The following ALKBH5 variants were observed in gnomAD, a reference collection of about 807,000 sequenced individuals.
The protein encoded by ALKBH5 is RNA demethylase ALKBH5.
A neutral mutation model predicts 32.1 loss-of-function variants in ALKBH5; 2 were observed. The ratio of observed to expected loss-of-function variants is 0.06; its 90% CI spans 0.03 to 0.20. ALKBH5 has a LOEUF of 0.20. ALKBH5 is among the 10% of genes least tolerant of loss of function. ALKBH5 has a pLI of 1.00. For missense variants in ALKBH5, 352 were observed against 559.5 expected (o/e 0.63, Z 3.74); for synonymous variants, 300 against 231.7 (o/e 1.29, Z -2.68).
rs140823983 is a variant in ALKBH5 at position 18,184,978 on chromosome 17, C to T, written c.735C>T (p.Ser245=). 11 of 1,612,736 alleles carry T rather than the reference C, an allele frequency of 6.8e-6. No individual in the cohort carries two copies. Among genetic ancestry groups the T allele is most frequent in the South Asian group, 5.5e-5 (5 of 91,086 alleles). ...KPIRVSEPVL[S]LPVRRGSVTV... is the part of the protein sequence containing the mutation. Reference sequence around the variant, plus strand: ...TTCGGGTGTCGGAACCAGTGCTTTCCCTGCCGGTGCGCAGGGGAAGCGTGA... The same window carrying T: ...TTCGGGTGTCGGAACCAGTGCTTTCTCTGCCGGTGCGCAGGGGAAGCGTGA... Residue 245 remains serine (S), a synonymous_variant, in exon 1 of 4, where the codon TCC becomes TCT. Coordinates refer to ENST00000399138, the MANE Select transcript of ALKBH5 (RefSeq NM_017758.4).
chr17:18,183,922 C>T lies in ALKBH5; in HGVS notation c.-322C>T, dbSNP rs932307750. 5 of 545,218 alleles carry T rather than the reference C, an allele frequency of 9.2e-6. No individual in the cohort carries two copies. The highest frequency in any genetic ancestry group is 4.7e-5 in the Admixed American group (2 of 42,734). 33.8% of individuals were successfully genotyped at this position (545,218 alleles called of 1,614,324 possible). On this transcript the variant is annotated 5_prime_UTR_variant, in exon 1 of 4. Coordinates refer to ENST00000399138, the MANE Select transcript of ALKBH5 (RefSeq NM_017758.4). ...TAAAGTGCGGGCCGGGCCGGGCGTC[C>T]GAGGGTCTGGTCGGGAGTCGGGCCG...
chr17:18,189,425 C>T (rs1165999402), intron 1 of ALKBH5, among the ~76,000 whole-genome samples: 1 of 152,136 alleles, frequency 6.6e-6, no homozygotes, highest in Non-Finnish European at 1.5e-5. Context: ...GCTGGCTGGC[C>T]AGTTGGTGGA....
chr17:18,193,333 G>A (rs966643403), intron 1 of ALKBH5, among the ~76,000 whole-genome samples: 6 of 151,988 alleles, frequency 3.9e-5, no homozygotes, highest in African/African-American at 1.4e-4. Flanking sequence ...GGATCACGAG[G>A]TCAGGAGTTC....
chr17:18,184,780 C>T lies in ALKBH5; in HGVS notation c.537C>T (p.His179=), dbSNP rs11078411. ...HQLVIQKLVE[H]RVIPEGFVNS... is the part of the protein sequence containing the mutation. ...TGGTGATCCAAAAGCTGGTGGAGCA[C>T]CGCGTCATCCCCGAGGGCTTCGTCA... The change falls in exon 1 of 4, where the codon CAC becomes CAT. Residue 179 remains histidine (H), a synonymous_variant. Coordinates refer to ENST00000399138, the MANE Select transcript of ALKBH5 (RefSeq NM_017758.4). 307,462 of 1,613,788 alleles carry T rather than the reference C, an allele frequency of 0.19. 31,265 individuals carry two copies. The highest frequency in any genetic ancestry group is 0.33 in the Middle Eastern group (2,006 of 6,062).
intron 1 of ALKBH5, among the ~76,000 whole-genome samples, chr17:18,192,737 A>C (rs2047183905): frequency 6.6e-6 from 1 of 152,130 alleles, no homozygotes; most frequent in African/African-American, 2.4e-5. Context: ...GCTCAAAGTC[A>C]GTGGGTTCTT....
At position 18,184,199 on chromosome 17, in the gene ALKBH5, TGCCCCGCCC is replaced by T. The variant is rs1275471723; in HGVS notation, c.-38_-30del. 15 of 1,448,266 alleles carry T rather than the reference TGCCCCGCCC, an allele frequency of 1.0e-5. No individual in the cohort carries two copies. Among genetic ancestry groups the T allele is most frequent in the Non-Finnish European group, 1.3e-5 (14 of 1,102,836 alleles). 89.7% of individuals were successfully genotyped at this position (1,448,266 alleles called of 1,614,324 possible). A position where few individuals can be genotyped will look rare whatever the true frequency, so the allele number is the denominator to read the frequency against. On this transcript the variant is annotated 5_prime_UTR_variant, in exon 1 of 4. Transcript: ENST00000399138. ...GCGTCCCCTTAGAGCCATGCCCGGC[TGCCCCGCCC>T]GCCCCGGAGGACCCTAGAGCAGCGT...
In ALKBH5 at chr17:18,184,584, C is replaced by G; in HGVS notation, c.341C>G (p.Ala114Gly). The G allele has an allele frequency of 6.2e-7, 1 of 1,613,366 alleles. No homozygotes were observed. The highest frequency in any genetic ancestry group is 2.2e-5 in the East Asian group (1 of 44,880). The change falls in exon 1 of 4, where the codon GCT (alanine) becomes GGT (glycine). Residue 114 changes from alanine (A) to glycine (G), a missense_variant. Coordinates refer to ENST00000399138, the MANE Select transcript of ALKBH5 (RefSeq NM_017758.4). Reference protein sequence around the residue: ...EARIDEVVSRAEKGLYNEHTV... With the variant: ...EARIDEVVSRGEKGLYNEHTV... Reference sequence around the variant, plus strand: ...CGCATTGACGAGGTGGTGTCCCGCGCTGAGAAGGGCCTGTACAACGAGCAC... The same window carrying G: ...CGCATTGACGAGGTGGTGTCCCGCGGTGAGAAGGGCCTGTACAACGAGCAC...
At position 18,183,983 on chromosome 17, in the gene ALKBH5, G is replaced by A; in HGVS notation, c.-261G>A. The A allele has an allele frequency of 3.1e-6, 2 of 642,946 alleles. No homozygotes were observed. Among genetic ancestry groups the A allele is most frequent in the East Asian group, 3.2e-5 (1 of 31,250 alleles). 39.8% of individuals were successfully genotyped at this position (642,946 alleles called of 1,614,324 possible). A position where few individuals can be genotyped will look rare whatever the true frequency, so the allele number is the denominator to read the frequency against. ...GCAGCCCTCCGCGGCATGAGGCGCTGCCGGCGCCCCTGCCCCGCGGGACGT... is the reference window on the plus strand; with the variant it reads ...GCAGCCCTCCGCGGCATGAGGCGCTACCGGCGCCCCTGCCCCGCGGGACGT... On this transcript the variant is annotated 5_prime_UTR_variant, in exon 1 of 4. Transcript: ENST00000399138.
chr17:18,190,216 C>G (rs114825937), intron 1 of ALKBH5, among the ~76,000 whole-genome samples: 151 of 152,266 alleles, frequency 9.9e-4, no homozygotes, highest in African/African-American at 3.5e-3. Context: ...CAAGACCGTC[C>G]CCTAGAGGAG....
chr17:18,201,741 TC>T (rs2047236922), intron 2 of ALKBH5, among the ~76,000 whole-genome samples: 1 of 112,406 alleles, frequency 8.9e-6, no homozygotes, highest in Non-Finnish European at 1.9e-5. Flanking sequence ...TGAGACTCCA[TC>T]TTAGATAGAT....
At chr17:18,204,567 G>A (rs796191990) in intron 2 of ALKBH5, among the ~76,000 whole-genome samples, 2 of 152,170 alleles carry the variant, frequency 1.3e-5, no homozygotes, top group African/African-American at 4.8e-5. Context: ...TTTGAGACCA[G>A]TCTGGCTAAC....
chr17:18,199,680 C>T (rs1192517917), intron 2 of ALKBH5, among the ~76,000 whole-genome samples: 3 of 152,092 alleles, frequency 2.0e-5, no homozygotes, highest in South Asian at 2.1e-4. Context: ...AGGTGGGCAC[C>T]GCAGGAAATT....
intron 2 of ALKBH5, among the ~76,000 whole-genome samples, chr17:18,199,022 T>G (rs1403214421): frequency 6.6e-6 from 1 of 152,104 alleles, no homozygotes; most frequent in Non-Finnish European, 1.5e-5. Flanking sequence ...CAGTGTGTCG[T>G]TGGGATGGAT....
intron 1 of ALKBH5, among the ~76,000 whole-genome samples, chr17:18,186,668 T>C (rs1426869153): frequency 6.6e-6 from 1 of 152,172 alleles, no homozygotes; most frequent in African/African-American, 2.4e-5. Flanking sequence ...AGCAACAGGA[T>C]TGCATCATCA....
chr17:18,204,928 C>T (rs2047260987), intron 2 of ALKBH5, among the ~76,000 whole-genome samples: 1 of 151,936 alleles, frequency 6.6e-6, no homozygotes, highest in African/African-American at 2.4e-5. Context: ...CATGGTGGCC[C>T]AGTCCTAGCT....
chr17:18,200,768 G>C (rs887353514), intron 2 of ALKBH5, among the ~76,000 whole-genome samples: 2 of 152,236 alleles, frequency 1.3e-5, no homozygotes, highest in African/African-American at 4.8e-5. Context: ...GGCAAAGATA[G>C]TTCAGTCAGA....
chr17:18,205,296 ATCC>A (rs533162859), intron 2 of ALKBH5, among the ~76,000 whole-genome samples: 37 of 152,328 alleles, frequency 2.4e-4, no homozygotes, highest in African/African-American at 8.2e-4. Flanking sequence ...AAACTAGATC[ATCC>A]TCCTGTTGAT....
chr17:18,187,084 C>T (rs960950842), intron 1 of ALKBH5, among the ~76,000 whole-genome samples: 1 of 151,968 alleles, frequency 6.6e-6, no homozygotes, highest in African/African-American at 2.4e-5. Context: ...AGTTTCCCTT[C>T]GTGTAGTTCA....
Position 18,184,138 on chromosome 17 carries a change from C to A in ALKBH5, c.-106C>A. 2 of 1,028,938 alleles carry A rather than the reference C, an allele frequency of 1.9e-6. No individual in the cohort carries two copies. Among genetic ancestry groups the A allele is most frequent in the Non-Finnish European group, 2.8e-6 (2 of 716,252 alleles). 63.7% of individuals were successfully genotyped at this position (1,028,938 alleles called of 1,614,324 possible). On this transcript the variant is annotated 5_prime_UTR_variant, in exon 1 of 4. Transcript: ENST00000399138. The stretch of plus-strand genomic sequence containing the variant: ...CCCCCACTCACGCATGGGGGTTCGG[C>A]GCTAAGGACCCCCCTCCCTCCGGGG...
Sources: gnomAD v4.1 joint callset for allele counts (sites outside exome capture counted in the v4.1 genomes callset) on GRCh38, gnomAD v4.1.1 for gene constraint, MANE v1.5 for transcripts, NCBI Gene and HGNC (gene_info 2026-07-23, HGNC 2026-07-21) for gene names.